ALK: variants seen among roughly 807,000 people sequenced by gnomAD.
ALK encodes the protein ALK tyrosine kinase receptor.
A neutral mutation model predicts 163.1 loss-of-function variants in ALK; 74 were observed. The observed-to-expected ratio is 0.45, with a 90% CI of 0.38 to 0.55. The LOEUF is 0.55. Among genes scored for constraint, ALK ranks in the 20% least tolerant of loss-of-function variants. The probability of loss-of-function intolerance (pLI) is 0.00; values close to 1 mark genes in which losing one functional copy is unlikely to be tolerated. For missense variants in ALK, 2,063 were observed against 2,105.3 expected (o/e 0.98, Z 0.39); for synonymous variants, 960 against 843.2 (o/e 1.14, Z -2.40).
chr2:29,329,129 C>T (rs1237711417), intron 5 of ALK, among the ~76,000 whole-genome samples: 1 of 152,062 alleles, frequency 6.6e-6, no homozygotes, highest in Non-Finnish European at 1.5e-5. Flanking sequence ...TATTAGATTG[C>T]TAAGGTTTGC....
At chr2:29,557,473 A>G (rs536248855) in intron 3 of ALK, among the ~76,000 whole-genome samples, 3 of 152,324 alleles carry the variant, frequency 2.0e-5, no homozygotes, top group African/African-American at 7.2e-5. Context: ...GGCAAGAGAT[A>G]TGAAGGTTGC....
chr2:29,219,714 G>T (rs1339956286), intron 23 of ALK, among the ~76,000 whole-genome samples: 1 of 152,186 alleles, frequency 6.6e-6, no homozygotes, highest in African/African-American at 2.4e-5. Flanking sequence ...CCTTTGAGAT[G>T]TTCTAGTCCA....
At chr2:29,519,168 T>A (rs2148147237) in intron 4 of ALK, among the ~76,000 whole-genome samples, 1 of 152,330 alleles carries the variant, frequency 6.6e-6, no homozygotes, top group Middle Eastern at 3.4e-3. Flanking sequence ...TATCAGCAAG[T>A]TCTACCTGGG....
At chr2:29,604,971 A>G (rs969838476) in intron 3 of ALK, among the ~76,000 whole-genome samples, 2 of 152,188 alleles carry the variant, frequency 1.3e-5, no homozygotes, top group African/African-American at 4.8e-5. Flanking sequence ...CAGCCAATAA[A>G]TATAGGTGAT....
At chr2:29,446,351 C>G (rs1245994093) in intron 4 of ALK, among the ~76,000 whole-genome samples, 2 of 151,990 alleles carry the variant, frequency 1.3e-5, no homozygotes, top group Admixed American at 1.3e-4. Context: ...CTAGGCAATC[C>G]ACTTGACCCC....
At chr2:29,222,774 G>A (rs1022653979) in intron 20 of ALK, among the ~76,000 whole-genome samples, 167 bp from the exon 21 acceptor site, 19 of 152,124 alleles carry the variant, frequency 1.2e-4, no homozygotes, top group Admixed American at 2.0e-4. Context: ...ATGCAATCTC[G>A]GGCTTCCAGT....
Position 29,699,224 on chromosome 2 carries a change from AG to A in ALK, c.788-4211del, listed in dbSNP as rs563472366. 3.8e-3 allele frequency among the ~76,000 whole-genome samples: 576 copies of A among 152,292 alleles called. 2 individuals carry two copies. Among genetic ancestry groups the A allele is most frequent in the African/African-American group, 0.013 (554 of 41,572 alleles). On this transcript the variant is annotated intron_variant, in intron 2 of 28. Coordinates refer to ENST00000389048, the MANE Select transcript of ALK (RefSeq NM_004304.5). ...GGCAGGTCCACACCCACCCAGGGGC[AG>A]GGGTGGGAAACTACCTTCCCTCAGC...
chr2:29,355,272 A>T (rs1305082545), intron 5 of ALK, among the ~76,000 whole-genome samples: 1 of 152,134 alleles, frequency 6.6e-6, no homozygotes, highest in Non-Finnish European at 1.5e-5. Flanking sequence ...GGGCATCCTG[A>T]TTCTCCTATT....
At position 29,246,225 on chromosome 2, in the gene ALK, GA is replaced by G. The variant is rs2148193396; in HGVS notation, c.2204+4879del. ...AAGGCAGGCAGGCTGGAGGGGGAGA[GA>G]GGGAAGAAGGAGGAAAGAAGTCAGG... On this transcript the variant is annotated intron_variant, in intron 12 of 28. Transcript: ENST00000389048. The surrounding 1 kb of genome is among the most constrained non-coding windows in gnomAD (Gnocchi z 4.3). 6.6e-6 allele frequency among the ~76,000 whole-genome samples: 1 copy of G among 152,004 alleles called. No homozygotes were observed.
At chr2:29,591,180 A>AT (rs967280367) in intron 3 of ALK, among the ~76,000 whole-genome samples, 4 of 150,672 alleles carry the variant, frequency 2.7e-5, no homozygotes, top group East Asian at 1.9e-4. Context: ...TCATGGAATA[A>AT]TTTTTTTTTC....
intron 1 of ALK, among the ~76,000 whole-genome samples, chr2:29,788,080 T>C (rs1018330538): frequency 3.9e-5 from 6 of 152,192 alleles, no homozygotes; most frequent in African/African-American, 1.4e-4. Context: ...TGCTAAGAGA[T>C]GTACCTCACA....
intron 2 of ALK, among the ~76,000 whole-genome samples, chr2:29,704,616 G>A (rs1287071752): frequency 1.3e-5 from 2 of 152,122 alleles, no homozygotes; most frequent in African/African-American, 4.8e-5. Context: ...ATCTCCCAAT[G>A]ATCAGATGGC....
chr2:29,417,314 G>T (rs1336152310), intron 4 of ALK, among the ~76,000 whole-genome samples: 1 of 152,182 alleles, frequency 6.6e-6, no homozygotes, highest in Admixed American at 6.5e-5. Context: ...CAATAAATGT[G>T]AGTATCCTTT....
At chr2:29,686,344 G>A (rs1232445692) in intron 3 of ALK, among the ~76,000 whole-genome samples, 1 of 152,150 alleles carries the variant, frequency 6.6e-6, no homozygotes, top group East Asian at 1.9e-4. Context: ...TACAAAGTGT[G>A]ACCTGAATCA....
intron 2 of ALK, among the ~76,000 whole-genome samples, chr2:29,705,285 A>ATCTCTATC (rs1558451364): frequency 9.5e-6 from 1 of 105,234 alleles, no homozygotes; most frequent in African/African-American, 4.2e-5. Flanking sequence ...ATATATAAAT[A>ATCTCTATC]TATATCTGCT....
intron 1 of ALK, among the ~76,000 whole-genome samples, chr2:29,773,608 T>G (rs1409708500): frequency 1.3e-5 from 2 of 152,194 alleles, no homozygotes; most frequent in Non-Finnish European, 2.9e-5. Flanking sequence ...TATTGATAAC[T>G]GACAGAATCA....
At chr2:29,215,013 A>C (rs1274072067) in intron 23 of ALK, among the ~76,000 whole-genome samples, 1 of 152,144 alleles carries the variant, frequency 6.6e-6, no homozygotes, top group Non-Finnish European at 1.5e-5. Context: ...TACCTGGAGG[A>C]GTATGATTCA....
chr2:29,434,363 C>A (rs1323696459), intron 4 of ALK, among the ~76,000 whole-genome samples: 1 of 152,134 alleles, frequency 6.6e-6, no homozygotes, highest in Non-Finnish European at 1.5e-5. Context: ...TAGAATTAGT[C>A]CCGGGGCCCA....
intron 6 of ALK, among the ~76,000 whole-genome samples, chr2:29,323,241 TGGTGG>T (rs1667130813): frequency 6.6e-6 from 1 of 151,964 alleles, no homozygotes; most frequent in Non-Finnish European, 1.5e-5. Flanking sequence ...AAATGTAAAG[TGGTGG>T]TAGTGTTATT....
Sources: allele counts gnomAD v4.1 joint callset (sites outside exome capture counted in the v4.1 genomes callset), GRCh38; gene constraint gnomAD v4.1.1; non-coding constraint Gnocchi (gnomAD v3.1); transcripts MANE v1.5; gene names NCBI Gene and HGNC (gene_info 2026-07-23, HGNC 2026-07-21).